CAMK1D: variants seen among roughly 807,000 people sequenced by gnomAD.
The protein encoded by CAMK1D is calcium/calmodulin dependent protein kinase ID, also known as calcium/calmodulin-dependent protein kinase type 1D.
CAMK1D carries 9 observed loss-of-function variants against 47.7 expected under a neutral mutation model. The observed-to-expected ratio is 0.19, with a 90% CI of 0.11 to 0.33. The LOEUF is 0.33. CAMK1D is among the 10% of genes least tolerant of loss of function. The pLI, the probability that CAMK1D is intolerant of heterozygous loss-of-function variation, is 1.00. For missense variants in CAMK1D, 291 were observed against 488.7 expected (o/e 0.60, Z 3.81); for synonymous variants, 184 against 184.9 (o/e 0.99, Z 0.04).
chr10:12,614,437 G>A (rs1442538991), intron 2 of CAMK1D, among the ~76,000 whole-genome samples: 10 of 152,138 alleles, frequency 6.6e-5, no homozygotes, highest in African/African-American at 2.4e-4. Flanking sequence ...TTAAAATAGA[G>A]TACGGTTATA....
At chr10:12,773,959 TGA>T (rs1259083225) in intron 5 of CAMK1D, among the ~76,000 whole-genome samples, 1 of 151,462 alleles carries the variant, frequency 6.6e-6, no homozygotes, top group Non-Finnish European at 1.5e-5. Context: ...CTCAGTATTA[TGA>T]GAGAGAAAGC....
At chr10:12,552,215 A>G (rs1479562024) in intron 1 of CAMK1D, among the ~76,000 whole-genome samples, 2 of 152,158 alleles carry the variant, frequency 1.3e-5, no homozygotes, top group African/African-American at 4.8e-5. Context: ...CCAGCCCCAG[A>G]TGTTCTGGTT....
At chr10:12,758,682 G>A (rs1454024189) in intron 3 of CAMK1D, among the ~76,000 whole-genome samples, 1 of 152,124 alleles carries the variant, frequency 6.6e-6, no homozygotes, top group Non-Finnish European at 1.5e-5. Flanking sequence ...TCACATAATG[G>A]GAAAAAAGAG....
chr10:12,458,688 C>T (rs1833333011), intron 1 of CAMK1D, among the ~76,000 whole-genome samples: 1 of 152,282 alleles, frequency 6.6e-6, no homozygotes, highest in Non-Finnish European at 1.5e-5. Flanking sequence ...CTGCCTCAGC[C>T]TCCTAAAGTG....
chr10:12,441,493 G>T (rs1305167005), intron 1 of CAMK1D, among the ~76,000 whole-genome samples: 2 of 149,530 alleles, frequency 1.3e-5, no homozygotes, highest in Non-Finnish European at 3.0e-5. Flanking sequence ...CACTGTGCTT[G>T]GCCTTTAAAT....
At chr10:12,567,157 T>C (rs989722940) in intron 2 of CAMK1D, among the ~76,000 whole-genome samples, 3 of 152,140 alleles carry the variant, frequency 2.0e-5, no homozygotes, top group Admixed American at 2.0e-4. Context: ...CAGTTACAGA[T>C]CGTGGAATGA....
intron 1 of CAMK1D, among the ~76,000 whole-genome samples, chr10:12,410,321 ATC>A (rs1839612036): frequency 6.6e-6 from 1 of 152,058 alleles, no homozygotes. Flanking sequence ...TTGAGTGTGT[ATC>A]TCTCTGTGTG....
At chr10:12,765,202 T>C (rs758071879) in intron 4 of CAMK1D, among the ~76,000 whole-genome samples, 2 of 152,216 alleles carry the variant, frequency 1.3e-5, no homozygotes, top group Non-Finnish European at 2.9e-5. Context: ...TGCCATCCCT[T>C]TCTGTGTTGT....
intron 8 of CAMK1D, among the ~76,000 whole-genome samples, chr10:12,818,161 AT>A (rs1832877305): frequency 2.6e-5 from 4 of 152,214 alleles, no homozygotes; most frequent in African/African-American, 9.6e-5. Context: ...CCTCTGTAGC[AT>A]TTCCCCTGGG....
chr10:12,606,947 C>G (rs1249969504), intron 2 of CAMK1D, among the ~76,000 whole-genome samples: 2 of 152,132 alleles, frequency 1.3e-5, no homozygotes, highest in East Asian at 3.9e-4. Context: ...CCTGCCTCAG[C>G]CTCCCTAGTA....
intron 3 of CAMK1D, among the ~76,000 whole-genome samples, chr10:12,714,475 C>A (rs930695130): frequency 2.6e-5 from 4 of 152,134 alleles, no homozygotes; most frequent in African/African-American, 7.2e-5. Context: ...AATCCCAGCA[C>A]TTTGGGGGGC....
intron 1 of CAMK1D, among the ~76,000 whole-genome samples, chr10:12,527,224 C>T (rs1170509721): frequency 6.6e-6 from 1 of 152,042 alleles, no homozygotes; most frequent in East Asian, 1.9e-4. Flanking sequence ...AAAAAATTTC[C>T]TGGGCCCTTC....
chr10:12,381,473 T>C (rs1449050360), intron 1 of CAMK1D, among the ~76,000 whole-genome samples: 1 of 151,926 alleles, frequency 6.6e-6, no homozygotes. Context: ...GTAGCTGGGA[T>C]TACAGGCGCA....
chr10:12,628,835 C>A (rs1331501093), intron 2 of CAMK1D, among the ~76,000 whole-genome samples: 1 of 152,218 alleles, frequency 6.6e-6, no homozygotes, highest in Non-Finnish European at 1.5e-5. Flanking sequence ...TTTTCACCGT[C>A]TTCATAGTTT....
intron 1 of CAMK1D, among the ~76,000 whole-genome samples, chr10:12,495,275 C>A (rs72769647): frequency 1.1e-3 from 168 of 152,282 alleles, no homozygotes; most frequent in Non-Finnish European, 2.1e-3. Context: ...TTAAAAAAAA[C>A]TTTCAGATTC....
chr10:12,703,437 G>A (rs1439362559), intron 3 of CAMK1D, among the ~76,000 whole-genome samples: 3 of 152,168 alleles, frequency 2.0e-5, no homozygotes, highest in Non-Finnish European at 4.4e-5. Flanking sequence ...CAGCTGTCTT[G>A]GCTCCTGGTG....
rs184888360 is a variant in CAMK1D at position 12,433,652 on chromosome 10, C to T, written c.92+83742C>T. Among the ~76,000 whole-genome samples the T allele has an allele frequency of 2.0e-3, 301 of 152,230 alleles. 1 individual carries two copies. The highest frequency in any genetic ancestry group is 3.4e-3 in the Middle Eastern group (1 of 294). On this transcript the variant is annotated intron_variant, in intron 1 of 10. Transcript: ENST00000619168. The stretch of plus-strand genomic sequence containing the variant: ...GCCTTGCGTCCAGAAAGCTGGCATG[C>T]GGTTTATATTTGCTGAATGGAAAAC...
In CAMK1D at chr10:12,526,897, C is replaced by CAAAAAAA. The variant is rs202209844; in HGVS notation, c.93-26318_93-26312dup. 5.5e-3 allele frequency among the ~76,000 whole-genome samples: 720 copies of CAAAAAAA among 129,772 alleles called. 18 individuals carry two copies. The highest frequency in any genetic ancestry group is 0.014 in the East Asian group (63 of 4,494). 85.1% of individuals were successfully genotyped at this position (129,772 alleles called of 152,430 possible). A position where few individuals can be genotyped will look rare whatever the true frequency, so the allele number is the denominator to read the frequency against. ...CATATCATTGAGCAAAACCCTATCT[C>CAAAAAAA]AAAAAAAAAAAAAAAATCAGAACCT... On this transcript the variant is annotated intron_variant, in intron 1 of 10. Coordinates refer to ENST00000619168, the MANE Select transcript of CAMK1D (RefSeq NM_153498.4).
At chr10:12,424,864 C>T (rs1305246943) in intron 1 of CAMK1D, among the ~76,000 whole-genome samples, 1 of 152,168 alleles carries the variant, frequency 6.6e-6, no homozygotes. Flanking sequence ...AAGCTTCATT[C>T]AACTCCCTCT....
Sources: allele counts gnomAD v4.1 joint callset (sites outside exome capture counted in the v4.1 genomes callset), GRCh38; gene constraint gnomAD v4.1.1; transcripts MANE v1.5; gene names NCBI Gene and HGNC (gene_info 2026-07-23, HGNC 2026-07-21).